Variants in ZCCHC7 observed in about 807,000 individuals in gnomAD.
ZCCHC7 encodes the protein zinc finger CCHC domain-containing protein 7.
In ZCCHC7, 35 loss-of-function variants were observed where a neutral mutation model predicts 52.0. That is an observed-to-expected ratio of 0.67 (90% CI 0.51 to 0.89). ZCCHC7 has a LOEUF of 0.89. Among genes scored for constraint, ZCCHC7 ranks in the 40% least tolerant of loss-of-function variants. The pLI, the probability that ZCCHC7 is intolerant of heterozygous loss-of-function variation, is 0.00. For missense variants in ZCCHC7, 574 were observed against 649.1 expected, an observed-to-expected ratio of 0.88 and a Z score of 1.26; for synonymous variants, 217 against 221.5, an observed-to-expected ratio of 0.98 and a Z score of 0.18.
chr9:37,300,149 A>G (rs752089381), intron 2 of ZCCHC7, among the ~76,000 whole-genome samples: 1 of 152,144 alleles, frequency 6.6e-6, no homozygotes, highest in Non-Finnish European at 1.5e-5. Flanking sequence ...AATAGAGTCG[A>G]TCTCCCTCCT....
At position 37,316,572 on chromosome 9, in the gene ZCCHC7, G is replaced by A. The variant is rs138517170; in HGVS notation, c.951+10858G>A. ...ACTCCTAACCTCGAGTGATCTGCCCGTCTCAGCGTCCCAAAGTGCTGGGAT... is the reference window on the plus strand; with the variant it reads ...ACTCCTAACCTCGAGTGATCTGCCCATCTCAGCGTCCCAAAGTGCTGGGAT... On this transcript the variant is annotated intron_variant, in intron 5 of 8. Transcript: ENST00000336755. 1.3e-3 allele frequency among the ~76,000 whole-genome samples: 196 copies of A among 148,354 alleles called. 2 individuals carry two copies. The East Asian group carries it at 0.031, about 23-fold the overall frequency.
At chr9:37,163,155 C>G (rs201116715) in intron 2 of ZCCHC7, among the ~76,000 whole-genome samples, 1 of 151,826 alleles carries the variant, frequency 6.6e-6, no homozygotes, top group Non-Finnish European at 1.5e-5. Context: ...GAGCCGAGAT[C>G]GCACCACTGC....
chr9:37,142,404 CA>C (rs1018269261), intron 2 of ZCCHC7, among the ~76,000 whole-genome samples: 11 of 151,602 alleles, frequency 7.3e-5, no homozygotes, highest in African/African-American at 2.7e-4. Flanking sequence ...CTGTTAATTA[CA>C]GGTTTTTTCT....
chr9:37,313,752 C>A (rs1391000992), intron 5 of ZCCHC7, among the ~76,000 whole-genome samples: 1 of 152,146 alleles, frequency 6.6e-6, no homozygotes, highest in Non-Finnish European at 1.5e-5. Context: ...CTCCTGCCAA[C>A]GTGAAGGTGC....
chr9:37,130,334 CTTTTT>C (rs34589957), intron 2 of ZCCHC7, among the ~76,000 whole-genome samples: 5 of 63,098 alleles, frequency 7.9e-5, no homozygotes, highest in African/African-American at 3.0e-4. Flanking sequence ...GAATTCTCTC[CTTTTT>C]TTTTTTTTTT....
At chr9:37,143,736 T>C (rs1029085943) in intron 2 of ZCCHC7, among the ~76,000 whole-genome samples, 2 of 151,836 alleles carry the variant, frequency 1.3e-5, no homozygotes, top group Non-Finnish European at 3.0e-5. Flanking sequence ...AAATTTTAAC[T>C]CTTATTTTTA....
chr9:37,167,438 A>G (rs1821487404), intron 2 of ZCCHC7, among the ~76,000 whole-genome samples: 2 of 151,846 alleles, frequency 1.3e-5, no homozygotes, highest in African/African-American at 4.8e-5. Flanking sequence ...AATATCTTCC[A>G]TGTCTGTACT....
intron 2 of ZCCHC7, among the ~76,000 whole-genome samples, chr9:37,243,961 G>A (rs1449417540): frequency 1.3e-5 from 2 of 151,796 alleles, no homozygotes; most frequent in Non-Finnish European, 3.0e-5. Flanking sequence ...TTTGTCTTCT[G>A]TGTCTCCAAA....
chr9:37,242,634 A>G (rs1282203555), intron 2 of ZCCHC7, among the ~76,000 whole-genome samples: 2 of 151,828 alleles, frequency 1.3e-5, no homozygotes, highest in African/African-American at 2.4e-5. Context: ...TATTAATACA[A>G]TAAAGCCAAG....
chr9:37,256,364 G>C (rs1826586298), intron 2 of ZCCHC7, among the ~76,000 whole-genome samples: 2 of 152,144 alleles, frequency 1.3e-5, no homozygotes, highest in South Asian at 4.1e-4. Context: ...GGTCAAATCT[G>C]TGTTGCTAGT....
chr9:37,337,242 A>T (rs1830713920), intron 6 of ZCCHC7, among the ~76,000 whole-genome samples: 1 of 152,288 alleles, frequency 6.6e-6, no homozygotes, highest in African/African-American at 2.4e-5. Context: ...AAGGAGCTAA[A>T]TTAAAATTGG....
chr9:37,229,632 G>A (rs1019628050), intron 2 of ZCCHC7, among the ~76,000 whole-genome samples: 1 of 152,144 alleles, frequency 6.6e-6, no homozygotes, highest in African/African-American at 2.4e-5. Flanking sequence ...TATGAATGGA[G>A]CTTTTAGAAC....
chr9:37,162,469 A>G (rs757035267), intron 2 of ZCCHC7, among the ~76,000 whole-genome samples: 4 of 152,292 alleles, frequency 2.6e-5, no homozygotes, highest in South Asian at 2.1e-4. Flanking sequence ...AAAATTTTGC[A>G]TAAGTGGAAT....
chr9:37,138,529 A>C (rs986288609), intron 2 of ZCCHC7, among the ~76,000 whole-genome samples: 3 of 152,088 alleles, frequency 2.0e-5, no homozygotes, highest in African/African-American at 4.8e-5. Context: ...AGAGAATTAA[A>C]TTTTACTTTA....
chr9:37,235,796 G>A (rs893177917), intron 2 of ZCCHC7, among the ~76,000 whole-genome samples: 8 of 151,460 alleles, frequency 5.3e-5, no homozygotes, highest in African/African-American at 1.5e-4. Context: ...TACCATGTTG[G>A]CCAGGATGGT....
chr9:37,334,139 T>G (rs538770495), intron 6 of ZCCHC7, among the ~76,000 whole-genome samples: 5 of 151,948 alleles, frequency 3.3e-5, no homozygotes, highest in Non-Finnish European at 7.4e-5. Flanking sequence ...TAGATAACTT[T>G]AGCATATTCA....
intron 2 of ZCCHC7, among the ~76,000 whole-genome samples, chr9:37,195,876 C>T (rs1823263849): frequency 6.6e-6 from 1 of 151,952 alleles, no homozygotes. Context: ...AGAGTCACCA[C>T]GATTTAATGA....
chr9:37,139,611 G>A (rs1442320480), intron 2 of ZCCHC7, among the ~76,000 whole-genome samples: 1 of 151,904 alleles, frequency 6.6e-6, no homozygotes, highest in Non-Finnish European at 1.5e-5. Flanking sequence ...GTTTATTGTG[G>A]ACTTGAGAGC....
chr9:37,355,950 A>G (rs1452895214), intron 8 of ZCCHC7, among the ~76,000 whole-genome samples: 1 of 152,112 alleles, frequency 6.6e-6, no homozygotes, highest in Non-Finnish European at 1.5e-5. Context: ...TCTGTTTTTT[A>G]TGTTCTTTGT....
Sources: gnomAD v4.1 joint callset for allele counts (sites outside exome capture counted in the v4.1 genomes callset) on GRCh38, gnomAD v4.1.1 for gene constraint, MANE v1.5 for transcripts, NCBI Gene and HGNC (gene_info 2026-07-23, HGNC 2026-07-21) for gene names.